ASCC3: variants seen among roughly 807,000 people sequenced by gnomAD.
ASCC3 encodes the protein ASC-1 complex subunit P200.
Under a neutral mutation model 256.3 loss-of-function variants are expected in ASCC3, and 158 were observed. That is an observed-to-expected ratio of 0.62 (90% confidence interval 0.54 to 0.70). The LOEUF is 0.70. Among genes scored for constraint, ASCC3 ranks in the 30% least tolerant of loss-of-function variants. The pLI, the probability that ASCC3 is intolerant of heterozygous loss-of-function variation, is 0.00. For missense variants in ASCC3, 2,259 were observed against 2,626.0 expected, an observed-to-expected ratio of 0.86 and a Z score of 3.05; for synonymous variants, 948 against 883.4, an observed-to-expected ratio of 1.07 and a Z score of -1.30.
chr6:100,509,429 T>C lies in ASCC3; in HGVS notation c.6566A>G (p.Asn2189Ser). 2 of 1,614,218 alleles carry C rather than the reference T, an allele frequency of 1.2e-6. No homozygotes were observed. The highest frequency in any genetic ancestry group is 1.1e-5 in the South Asian group (1 of 91,080). The change falls in exon 42 of 42, where the codon AAC becomes AGC. Residue 2189 changes from asparagine (N) to serine (S), a missense_variant. Around this residue, in one of 2 missense-constraint regions of ASCC3, gnomAD observed 1,839 missense variants for 2,206.7 expected, o/e 0.83. Coordinates refer to ENST00000369162, the MANE Select transcript of ASCC3 (RefSeq NM_006828.4). Reference protein sequence around the residue: ...VTQASLSAQVNTKVSDSLTDL... With the variant: ...VTQASLSAQVSTKVSDSLTDL... ...AGTCAGGGAATCAGAGACCTTGGTG[T>C]TGACCTGTGCAGAAAGACTCGCTTG...
At chr6:100,756,852 AT>A (rs1051355756) in intron 10 of ASCC3, among the ~76,000 whole-genome samples, 9 of 152,150 alleles carry the variant, frequency 5.9e-5, no homozygotes, top group Non-Finnish European at 1.2e-4. Context: ...GAAATATAAA[AT>A]TTTTTTTTAA....
intron 8 of ASCC3, among the ~76,000 whole-genome samples, chr6:100,777,311 C>T (rs867377172): frequency 2.6e-5 from 4 of 151,998 alleles, no homozygotes; most frequent in East Asian, 1.9e-4. Context: ...TAACAGGATA[C>T]GTTTTAAAAA....
At chr6:100,816,701 A>T (rs1259951843) in intron 4 of ASCC3, among the ~76,000 whole-genome samples, 1 of 152,114 alleles carries the variant, frequency 6.6e-6, no homozygotes, top group Non-Finnish European at 1.5e-5. Flanking sequence ...GAGCTAATTG[A>T]TGAGAACAGA....
At chr6:100,880,529 C>T (rs1386850151) in intron 1 of ASCC3, among the ~76,000 whole-genome samples, 1 of 152,152 alleles carries the variant, frequency 6.6e-6, no homozygotes, top group Non-Finnish European at 1.5e-5. Flanking sequence ...GAAATGACTG[C>T]CCAGTACTCA....
chr6:100,824,786 A>G (rs1258090413), intron 4 of ASCC3, among the ~76,000 whole-genome samples: 2 of 152,210 alleles, frequency 1.3e-5, no homozygotes, highest in Non-Finnish European at 2.9e-5. Context: ...GGTAAATATA[A>G]AACTCTGCAA....
At chr6:100,757,033 G>A (rs544663241) in intron 10 of ASCC3, among the ~76,000 whole-genome samples, 2 of 152,066 alleles carry the variant, frequency 1.3e-5, no homozygotes, top group South Asian at 4.1e-4. Flanking sequence ...TCAAAGTATT[G>A]CAGAAACATA....
chr6:100,532,893 C>A (rs750577414), intron 37 of ASCC3, among the ~76,000 whole-genome samples: 2 of 152,032 alleles, frequency 1.3e-5, no homozygotes, highest in Non-Finnish European at 2.9e-5. Context: ...AAAGAAGAAT[C>A]CTGCTGCTTT....
chr6:100,807,002 G>A (rs1770217805), intron 4 of ASCC3, among the ~76,000 whole-genome samples: 1 of 151,722 alleles, frequency 6.6e-6, no homozygotes. Context: ...ACACAAATTG[G>A]CCAAAGTTAC....
At chr6:100,640,530 G>A (rs1024416456) in intron 24 of ASCC3, among the ~76,000 whole-genome samples, 2 of 152,182 alleles carry the variant, frequency 1.3e-5, no homozygotes, top group African/African-American at 4.8e-5. Flanking sequence ...GAAATAGAAT[G>A]TTAACGCAAG....
chr6:100,514,768 C>T (rs1332971899), intron 39 of ASCC3, among the ~76,000 whole-genome samples: 4 of 152,070 alleles, frequency 2.6e-5, no homozygotes, highest in South Asian at 4.1e-4. Flanking sequence ...AATTAGCAGC[C>T]AAATCCTCTG....
chr6:100,795,981 C>G (rs1016621975), intron 8 of ASCC3, among the ~76,000 whole-genome samples: 74 of 152,236 alleles, frequency 4.9e-4, no homozygotes, highest in African/African-American at 1.7e-3. Flanking sequence ...CTGGCAGGAT[C>G]AATATCTACA....
chr6:100,669,590 A>G (rs1776641500), intron 14 of ASCC3, among the ~76,000 whole-genome samples: 1 of 151,858 alleles, frequency 6.6e-6, no homozygotes, highest in African/African-American at 2.4e-5. Context: ...GAATACTAAA[A>G]TTCATCCTGA....
chr6:100,824,621 T>A (rs1326773936), intron 4 of ASCC3, among the ~76,000 whole-genome samples: 1 of 152,184 alleles, frequency 6.6e-6, no homozygotes, highest in East Asian at 1.9e-4. Context: ...ATTCAAGGAT[T>A]GTTCATCGCT....
intron 8 of ASCC3, among the ~76,000 whole-genome samples, chr6:100,769,555 A>T (rs1313957304): frequency 1.3e-5 from 2 of 151,812 alleles, no homozygotes; most frequent in Non-Finnish European, 2.9e-5. Flanking sequence ...GTTTCAAAAG[A>T]ACAACTTTAT....
chr6:100,527,375 C>T (rs963864923), intron 37 of ASCC3, among the ~76,000 whole-genome samples: 3 of 152,164 alleles, frequency 2.0e-5, no homozygotes, highest in African/African-American at 7.2e-5. Flanking sequence ...ATACACAAGA[C>T]TTTATCTACC....
intron 34 of ASCC3, among the ~76,000 whole-genome samples, chr6:100,599,472 G>A (rs1772480713): frequency 6.6e-6 from 1 of 152,032 alleles, no homozygotes; most frequent in Admixed American, 6.6e-5. Context: ...ACTGGATCTT[G>A]GACAGAAAAG....
At chr6:100,867,767 C>A in intron 2 of ASCC3, 141 bp downstream of exon 2, 1 of 714,716 alleles carries the variant, frequency 1.4e-6, no homozygotes, top group Non-Finnish European at 2.5e-6. Flanking sequence ...CAGCAGCATA[C>A]ACATTCTCCA....
intron 10 of ASCC3, among the ~76,000 whole-genome samples, chr6:100,750,412 C>G (rs1780885804): frequency 6.6e-6 from 1 of 151,916 alleles, no homozygotes; most frequent in Admixed American, 6.6e-5. Context: ...AGTTCCTGCT[C>G]TATCAATAAA....
At chr6:100,679,237 G>T (rs1020984515) in intron 14 of ASCC3, among the ~76,000 whole-genome samples, 2 of 150,342 alleles carry the variant, frequency 1.3e-5, no homozygotes, top group Admixed American at 6.6e-5. Flanking sequence ...GCCTATTTAG[G>T]TTGTATCTGT....
Sources: allele counts gnomAD v4.1 joint callset (sites outside exome capture counted in the v4.1 genomes callset), GRCh38; gene constraint gnomAD v4.1.1; regional missense constraint gnomAD v4.1.1; transcripts MANE v1.5; gene names NCBI Gene and HGNC (gene_info 2026-07-23, HGNC 2026-07-21).